Variants in BMPR1B observed in about 807,000 individuals in gnomAD.
BMPR1B encodes bone morphogenetic protein receptor type 1B.
Under a neutral mutation model 59.1 loss-of-function variants are expected in BMPR1B, and 12 were observed. That is an observed-to-expected ratio of 0.20 (90% CI 0.13 to 0.33). BMPR1B has a LOEUF of 0.33. BMPR1B is among the 10% of genes least tolerant of loss of function. BMPR1B has a pLI of 1.00. For synonymous variants in BMPR1B, 237 were observed against 207.3 expected (o/e 1.14, Z -1.23); for missense variants, 550 against 610.9 (o/e 0.90, Z 1.05).
chr4:95,059,747 C>T (rs550842118), intron 3 of BMPR1B, among the ~76,000 whole-genome samples: 63 of 152,240 alleles, frequency 4.1e-4, no homozygotes, highest in African/African-American at 1.3e-3. Context: ...ATCAAAGCCA[C>T]ACATTGTAGA....
chr4:94,851,874 G>T (rs1393126397), intron 1 of BMPR1B, among the ~76,000 whole-genome samples: 1 of 152,102 alleles, frequency 6.6e-6, no homozygotes, highest in African/African-American at 2.4e-5. Context: ...AAAACTGTCT[G>T]TAAACTCTAC....
At chr4:95,076,791 G>A (rs773433946) in intron 3 of BMPR1B, among the ~76,000 whole-genome samples, 44 of 151,866 alleles carry the variant, frequency 2.9e-4, no homozygotes, top group Admixed American at 1.2e-3. Context: ...CGTTAAAAAA[G>A]AAACACAATC....
Position 94,970,616 on chromosome 4 carries a change from T to G in BMPR1B, c.-112-25424T>G, listed in dbSNP as rs565952039. 5.3e-5 allele frequency among the ~76,000 whole-genome samples: 8 copies of G among 152,238 alleles called. No individual in the cohort carries two copies. In the East Asian group the frequency reaches 1.5e-3, roughly 29 times the overall value. On this transcript the variant is annotated intron_variant, in intron 2 of 12. Coordinates refer to ENST00000515059, the MANE Select transcript of BMPR1B (RefSeq NM_001203.3). ...GCATGAACCACCACACCCGGCCTGT[T>G]CATTTCTGTTTTAAAGTTTTTTTTA... is the stretch of plus-strand genomic sequence containing the variant.
chr4:95,140,371 C>T (rs1734139382), intron 10 of BMPR1B, among the ~76,000 whole-genome samples: 1 of 152,190 alleles, frequency 6.6e-6, no homozygotes, highest in African/African-American at 2.4e-5. Flanking sequence ...ATCCCCCTTT[C>T]TAATCTTACA....
At chr4:94,945,690 C>T (rs886766264) in intron 2 of BMPR1B, among the ~76,000 whole-genome samples, 12 of 152,186 alleles carry the variant, frequency 7.9e-5, no homozygotes, top group African/African-American at 2.7e-4. Flanking sequence ...CTGCCCTGGC[C>T]TTCCAAAGTT....
chr4:94,887,296 TAAAA>T (rs1250416364), intron 2 of BMPR1B, among the ~76,000 whole-genome samples: 9 of 113,014 alleles, frequency 8.0e-5, no homozygotes, highest in Non-Finnish European at 1.9e-5. Context: ...CATCACAAAA[TAAAA>T]AAAGGAAAAT....
chr4:94,882,671 G>A (rs1727020529), intron 2 of BMPR1B, among the ~76,000 whole-genome samples: 1 of 152,148 alleles, frequency 6.6e-6, no homozygotes, highest in South Asian at 2.1e-4. Context: ...TTGAATTTAG[G>A]TCAGTCTGAC....
chr4:94,812,831 G>A, intron 1 of BMPR1B, among the ~76,000 whole-genome samples: 1 of 152,148 alleles, frequency 6.6e-6, no homozygotes, highest in Admixed American at 6.5e-5. Flanking sequence ...GTATACAATT[G>A]AGTAGCATAT....
chr4:95,035,095 T>C (rs1725142747), intron 3 of BMPR1B, among the ~76,000 whole-genome samples: 1 of 152,170 alleles, frequency 6.6e-6, no homozygotes, highest in Non-Finnish European at 1.5e-5. Flanking sequence ...GAGAATTGTC[T>C]ATTCATGCCC....
intron 2 of BMPR1B, among the ~76,000 whole-genome samples, chr4:94,892,004 G>C (rs974915072): frequency 1.3e-5 from 2 of 152,022 alleles, no homozygotes; most frequent in Non-Finnish European, 2.9e-5. Context: ...ATAAAGCACT[G>C]TCTTGGGGCT....
chr4:94,896,336 C>T (rs940377060), intron 2 of BMPR1B, among the ~76,000 whole-genome samples: 3 of 151,888 alleles, frequency 2.0e-5, no homozygotes, highest in African/African-American at 7.2e-5. Flanking sequence ...TGTTTCAGTA[C>T]AGAAAAATAT....
intron 3 of BMPR1B, among the ~76,000 whole-genome samples, chr4:95,009,248 A>G (rs549336091): frequency 6.6e-6 from 1 of 152,332 alleles, no homozygotes. Flanking sequence ...ATTTTTCCGC[A>G]GCAATTCTAC....
intron 3 of BMPR1B, among the ~76,000 whole-genome samples, chr4:95,033,763 A>C (rs1475123441): frequency 6.6e-6 from 1 of 152,144 alleles, no homozygotes; most frequent in African/African-American, 2.4e-5. Flanking sequence ...AGATACCTGC[A>C]ATGTTTTGTT....
chr4:95,066,677 T>C (rs544169319), intron 3 of BMPR1B, among the ~76,000 whole-genome samples: 3 of 152,206 alleles, frequency 2.0e-5, no homozygotes, highest in African/African-American at 7.2e-5. Flanking sequence ...ACTTTTCAAA[T>C]TGTGGTCCCT....
At chr4:95,135,853 T>G (rs1011147756) in intron 10 of BMPR1B, among the ~76,000 whole-genome samples, 1 of 152,188 alleles carries the variant, frequency 6.6e-6, no homozygotes, top group African/African-American at 2.4e-5. Flanking sequence ...ATACCCTTTA[T>G]TTCTTTCTCC....
intron 10 of BMPR1B, among the ~76,000 whole-genome samples, chr4:95,141,844 A>G (rs554901198): frequency 6.6e-6 from 1 of 152,316 alleles, no homozygotes; most frequent in South Asian, 2.1e-4. Context: ...TGTCACACTG[A>G]TGTCCAGTGG....
chr4:95,088,862 T>A (rs942758661), intron 3 of BMPR1B, among the ~76,000 whole-genome samples: 3 of 151,994 alleles, frequency 2.0e-5, no homozygotes, highest in Admixed American at 2.0e-4. Context: ...AACTGACAAG[T>A]TTTGCCACCC....
chr4:95,035,896 T>A (rs1725206812), intron 3 of BMPR1B, among the ~76,000 whole-genome samples: 4 of 152,240 alleles, frequency 2.6e-5, no homozygotes. Context: ...ACAATATTGA[T>A]TCTAGCCATT....
chr4:94,872,091 G>C (rs543456001), intron 1 of BMPR1B, among the ~76,000 whole-genome samples: 1 of 152,150 alleles, frequency 6.6e-6, no homozygotes, highest in South Asian at 2.1e-4. Flanking sequence ...TCTTGTGAGC[G>C]AGTGCCCAGG....
Sources: gnomAD v4.1 joint callset for allele counts (sites outside exome capture counted in the v4.1 genomes callset) on GRCh38, gnomAD v4.1.1 for gene constraint, MANE v1.5 for transcripts, NCBI Gene and HGNC (gene_info 2026-07-23, HGNC 2026-07-21) for gene names.